LARGE1: variants seen among roughly 807,000 people sequenced by gnomAD.
LARGE1 encodes the protein LARGE xylosyl- and glucuronyltransferase 1.
In LARGE1, 43 loss-of-function variants were observed where a neutral mutation model predicts 87.6. The observed-to-expected ratio is 0.49, with a 90% CI of 0.38 to 0.63. The LOEUF is 0.63. Among genes scored for constraint, LARGE1 ranks in the 30% least tolerant of loss-of-function variants. The probability of loss-of-function intolerance (pLI) is 0.00; values close to 1 mark genes in which losing one functional copy is unlikely to be tolerated. For synonymous variants in LARGE1, 434 were observed against 394.6 expected, an observed-to-expected ratio of 1.10 and a Z score of -1.18; for missense variants, 802 against 1,000.2, an observed-to-expected ratio of 0.80 and a Z score of 2.67.
rs542909813 is a variant in LARGE1, at chr22:33,834,097, C to T, written c.-82-72539G>A. Among the ~76,000 whole-genome samples, 8 of 152,302 alleles carry T rather than the reference C, an allele frequency of 5.3e-5. No homozygotes were observed. The East Asian group carries it at 1.2e-3, about 22-fold the overall frequency. ...TGGGATTCAAGGTAATAAAGCCTGA[C>T]TCCTTCTATCACCAAGAATATAATA... On this transcript the variant is annotated intron_variant, in intron 1 of 14. Transcript: ENST00000397394.
At position 33,682,980 on chromosome 22, in the gene LARGE1, T is replaced by C. The variant is rs117267161; in HGVS notation, c.107-32312A>G. On this transcript the variant is annotated intron_variant, in intron 2 of 14. Transcript: ENST00000397394. ...ATGATGGCAAAGACAAAGATGATGA[T>C]AGAAATGATAATGGGTAACATATAC... is the stretch of plus-strand genomic sequence containing the variant. Among the ~76,000 whole-genome samples, 27 of 152,346 alleles carry C rather than the reference T, an allele frequency of 1.8e-4. No individual in the cohort carries two copies. The East Asian group carries it at 3.7e-3, about 21-fold the overall frequency.
intron 7 of LARGE1, among the ~76,000 whole-genome samples, chr22:33,396,787 G>C (rs371459089): frequency 6.6e-6 from 1 of 152,146 alleles, no homozygotes; most frequent in Non-Finnish European, 1.5e-5. Flanking sequence ...GGTTCTTTTA[G>C]ACAACAACAC....
chr22:33,588,172 A>C (rs2078732832), intron 5 of LARGE1, among the ~76,000 whole-genome samples: 2 of 152,226 alleles, frequency 1.3e-5, no homozygotes, highest in African/African-American at 4.8e-5. Context: ...GGAAGCAGAA[A>C]GAAGAGCCGA....
At chr22:33,895,873 T>A (rs2065131117) in intron 1 of LARGE1, among the ~76,000 whole-genome samples, 1 of 152,240 alleles carries the variant, frequency 6.6e-6, no homozygotes, top group African/African-American at 2.4e-5. Context: ...ATGAGGATCA[T>A]GAGGGCCAAC....
chr22:33,115,545 A>C, the LARGE1 span, among the ~76,000 whole-genome samples: 536 of 151,536 alleles, frequency 3.5e-3, 2 homozygotes, highest in African/African-American at 0.012. Context: ...AGGCCAGGCG[A>C]GGTGGCTCAT....
chr22:33,352,233 C>A (rs1445969693), intron 9 of LARGE1, among the ~76,000 whole-genome samples: 1 of 152,124 alleles, frequency 6.6e-6, no homozygotes, highest in East Asian at 1.9e-4. Flanking sequence ...GTATACTAGA[C>A]AAACCAACTT....
intron 9 of LARGE1, among the ~76,000 whole-genome samples, chr22:33,346,166 C>T (rs1014509196): frequency 6.6e-6 from 1 of 152,056 alleles, no homozygotes; most frequent in African/African-American, 2.4e-5. Flanking sequence ...TTTCCCTGTG[C>T]TCTCCCCCTT....
intron 2 of LARGE1, among the ~76,000 whole-genome samples, chr22:33,662,523 C>T (rs1386704831): frequency 6.6e-6 from 1 of 152,164 alleles, no homozygotes; most frequent in Non-Finnish European, 1.5e-5. Context: ...GCAAGCCACA[C>T]TTCACCAGAA....
chr22:33,340,874 CA>C (rs1266166742), intron 9 of LARGE1, among the ~76,000 whole-genome samples: 1 of 151,876 alleles, frequency 6.6e-6, no homozygotes, highest in Non-Finnish European at 1.5e-5. Context: ...GTCTGATTCC[CA>C]AGCCCACATT....
At chr22:33,734,018 C>T (rs1415202114) in intron 2 of LARGE1, among the ~76,000 whole-genome samples, 1 of 152,162 alleles carries the variant, frequency 6.6e-6, no homozygotes, top group Non-Finnish European at 1.5e-5. Context: ...TGAAGGGTGT[C>T]AGGGAGGGAT....
chr22:33,849,091 G>C (rs1005048583), intron 1 of LARGE1, among the ~76,000 whole-genome samples: 1 of 152,218 alleles, frequency 6.6e-6, no homozygotes, highest in Non-Finnish European at 1.5e-5. Context: ...AGAGAAAGAA[G>C]AGCAGGATAA....
chr22:33,916,875 G>A (rs930480233), intron 1 of LARGE1, among the ~76,000 whole-genome samples: 1 of 152,336 alleles, frequency 6.6e-6, no homozygotes, highest in African/African-American at 2.4e-5. Context: ...TGGCAAATGC[G>A]ATGGTATTTT....
At chr22:33,112,727 C>T in the LARGE1 span, among the ~76,000 whole-genome samples, 1 of 152,006 alleles carries the variant, frequency 6.6e-6, no homozygotes, top group Non-Finnish European at 1.5e-5. Flanking sequence ...AGAATGTGTC[C>T]AAATGGTGAA....
chr22:33,364,394 G>A (rs961676547), intron 9 of LARGE1, among the ~76,000 whole-genome samples: 5 of 152,006 alleles, frequency 3.3e-5, no homozygotes, highest in African/African-American at 1.2e-4. Context: ...CCCATCTTTT[G>A]TTTTTTCAAT....
At chr22:33,505,342 G>A (rs77029073) in intron 6 of LARGE1, among the ~76,000 whole-genome samples, 1 of 152,194 alleles carries the variant, frequency 6.6e-6, no homozygotes, top group Admixed American at 6.5e-5. Flanking sequence ...CCAGGTTTCT[G>A]TCTGGAGCTA....
At chr22:33,861,387 T>TAC (rs916581145) in intron 1 of LARGE1, among the ~76,000 whole-genome samples, 59 of 151,112 alleles carry the variant, frequency 3.9e-4, no homozygotes, top group African/African-American at 1.4e-3. Flanking sequence ...CTCACCCACC[T>TAC]ACACACACAC....
In LARGE1 at chr22:33,522,836, G is replaced by GA. The variant is rs928190742; in HGVS notation, c.787+42011dup. Among the ~76,000 whole-genome samples the GA allele has an allele frequency of 6.0e-3, 805 of 133,588 alleles. 3 individuals are homozygous for GA. The highest frequency in any genetic ancestry group is 0.019 in the African/African-American group (690 of 36,628). 87.6% of individuals were successfully genotyped at this position (133,588 alleles called of 152,430 possible). A position where few individuals can be genotyped will look rare whatever the true frequency, so the allele number is the denominator to read the frequency against. Reference sequence around the variant, plus strand: ...ACAGCAAGACTCTATCTAAAAAAAAGAAAAAAAAAAAAGAAACAAAAATTA... The same window carrying GA: ...ACAGCAAGACTCTATCTAAAAAAAAGAAAAAAAAAAAAAGAAACAAAAATTA... On this transcript the variant is annotated intron_variant, in intron 6 of 14. Transcript: ENST00000397394.
At chr22:33,783,197 G>A (rs1402441570) in intron 1 of LARGE1, among the ~76,000 whole-genome samples, 1 of 151,830 alleles carries the variant, frequency 6.6e-6, no homozygotes, top group East Asian at 1.9e-4. Flanking sequence ...TCTCTCATCA[G>A]AGTGATGAGA....
chr22:33,771,174 C>CT (rs577979720), intron 1 of LARGE1, among the ~76,000 whole-genome samples: 12,203 of 140,582 alleles, frequency 0.087, 557 homozygotes, highest in Admixed American at 0.11. Flanking sequence ...TATTTTTTTG[C>CT]TTTTTTTTTT....
Sources: allele counts gnomAD v4.1 joint callset (sites outside exome capture counted in the v4.1 genomes callset), GRCh38; gene constraint gnomAD v4.1.1; transcripts MANE v1.5; gene names NCBI Gene and HGNC (gene_info 2026-07-23, HGNC 2026-07-21).